APPL1: variants seen among roughly 807,000 people sequenced by gnomAD.
APPL1 encodes DCC-interacting protein 13-alpha.
A neutral mutation model predicts 106.8 loss-of-function variants in APPL1; 42 were observed. That is an observed-to-expected ratio of 0.39 (90% confidence interval 0.31 to 0.51). The LOEUF is 0.51. Ranked by LOEUF, APPL1 falls within the 20% of genes least tolerant of loss-of-function variation. The pLI, the probability that APPL1 is intolerant of heterozygous loss-of-function variation, is 0.75. For missense variants in APPL1, 769 were observed against 858.2 expected (o/e 0.90, Z 1.30); for synonymous variants, 263 against 281.8 (o/e 0.93, Z 0.67).
rs1448950813 is a variant in APPL1, at chr3:57,270,333, G to A, written c.*646G>A. ...ATGCCAGTAGGAAAGAAGCTTAAGT[G>A]TCTTCAGTTCAAGATTGATAGAGCC... On this transcript the variant is annotated 3_prime_UTR_variant, in exon 22 of 22. Coordinates refer to ENST00000288266, the MANE Select transcript of APPL1 (RefSeq NM_012096.3). 6.6e-6 allele frequency: 1 copy of A among 152,652 alleles called. No homozygotes were observed. Among genetic ancestry groups the A allele is most frequent in the Non-Finnish European group, 1.5e-5 (1 of 68,052 alleles). The allele number at this position is 152,652 out of a possible 1,614,324, so 9.5% of individuals were successfully genotyped here. A position where few individuals can be genotyped will look rare whatever the true frequency, so the allele number is the denominator to read the frequency against.
intron 7 of APPL1, among the ~76,000 whole-genome samples, chr3:57,243,581 G>A (rs2060757736): frequency 6.6e-6 from 1 of 152,152 alleles, no homozygotes; most frequent in South Asian, 2.1e-4. Context: ...GACTGCTTGT[G>A]GGAATCCACA....
intron 13 of APPL1, among the ~76,000 whole-genome samples, chr3:57,254,888 G>T (rs1254476026): frequency 6.6e-6 from 1 of 152,178 alleles, no homozygotes; most frequent in Non-Finnish European, 1.5e-5. Flanking sequence ...GCCTCCCAAA[G>T]TGCTGGGATT....
At position 57,227,910 on chromosome 3, in the gene APPL1, C is replaced by T; in HGVS notation, c.27C>T (p.Ile9=). 1 of 1,470,886 alleles carries T rather than the reference C, an allele frequency of 6.8e-7. No individual in the cohort carries two copies. The highest frequency in any genetic ancestry group is 2.9e-5 in the East Asian group (1 of 34,214). The allele number at this position is 1,470,886 out of a possible 1,614,324, so 91.1% of individuals were successfully genotyped here. A position where few individuals can be genotyped will look rare whatever the true frequency, so the allele number is the denominator to read the frequency against. MPGIDKLP[I]EETLEDSPQT... The stretch of plus-strand genomic sequence containing the variant: ...TGCCGGGGATCGACAAGCTGCCCAT[C>T]GAGGAGACGCTGGAGGACAGCCCGC... The change falls in exon 1 of 22, where the codon ATC becomes ATT. Residue 9 remains isoleucine (I), a synonymous_variant. Transcript: ENST00000288266.
In APPL1 at chr3:57,231,274, G is replaced by C. The variant is rs1014127738; in HGVS notation, c.54+3337G>C. 3.3e-5 allele frequency among the ~76,000 whole-genome samples: 5 copies of C among 149,622 alleles called. 1 individual carries two copies. Among genetic ancestry groups the C allele is most frequent in the Non-Finnish European group, 7.4e-5 (5 of 67,538 alleles). On this transcript the variant is annotated intron_variant, in intron 1 of 21. Transcript: ENST00000288266. ...GAATCACTTGAACCCGGGAGGCGGGGGTTGCAGTGAGCCGAAATTGTACCG... is the reference window on the plus strand; with the variant it reads ...GAATCACTTGAACCCGGGAGGCGGGCGTTGCAGTGAGCCGAAATTGTACCG...
At position 57,249,491 on chromosome 3, in the gene APPL1, C is replaced by G. The variant is rs2060792023; in HGVS notation, c.995C>G (p.Ala332Gly). The G allele has an allele frequency of 6.2e-7, 1 of 1,612,784 alleles. No individual in the cohort carries two copies. Among genetic ancestry groups the G allele is most frequent in the Non-Finnish European group, 8.5e-7 (1 of 1,179,672 alleles). ...AMDIDNCSVM[A>G]VDCEDRRYCF... ...GACATAGACAACTGTTCAGTGATGG[C>G]TGTGGACTGTGAAGACAGACGATAT... The change falls in exon 11 of 22, where the codon GCT (alanine) becomes GGT (glycine). Residue 332 changes from alanine to glycine, a missense_variant. By Grantham distance (60) the Ala-to-Gly change is moderately conservative. Transcript: ENST00000288266.
intron 19 of APPL1, among the ~76,000 whole-genome samples, chr3:57,261,350 ATT>A (rs1308093313): frequency 6.6e-6 from 1 of 152,074 alleles, no homozygotes; most frequent in Non-Finnish European, 1.5e-5. Context: ...TTCTTTATTC[ATT>A]TATCTGTTAA....
intron 10 of APPL1, 79 bp from the exon 11 acceptor site, chr3:57,249,281 A>G (rs1263053840): frequency 5.4e-6 from 8 of 1,477,936 alleles, no homozygotes; most frequent in Non-Finnish European, 7.5e-6. Context: ...TCATTGTAAC[A>G]TGCTTTATCT....
At chr3:57,256,815 G>A (rs756878094) in intron 13 of APPL1, 142 bp from the exon 14 acceptor site, 60 of 620,776 alleles carry the variant, frequency 9.7e-5, no homozygotes, top group Middle Eastern at 8.2e-4. Flanking sequence ...ATATTAAGAC[G>A]AGGGAATATA....
At chr3:57,240,660 C>G (rs1229673383) in intron 5 of APPL1, 108 bp downstream of exon 5, 1 of 938,308 alleles carries the variant, frequency 1.1e-6, no homozygotes, top group African/African-American at 1.6e-5. Flanking sequence ...CTATGCCACT[C>G]TTACTTTGCT....
rs903559292 is a variant in APPL1 at position 57,270,737 on chromosome 3, G to A, written c.*1050G>A. ...TGAATCACCACTTTATATCCACAAA[G>A]GCAAATAACTAATGTATGATAATAG... On this transcript the variant is annotated 3_prime_UTR_variant, in exon 22 of 22. Coordinates refer to ENST00000288266, the MANE Select transcript of APPL1 (RefSeq NM_012096.3). 6.6e-6 allele frequency: 1 copy of A among 152,270 alleles called. No homozygotes were observed. The highest frequency in any genetic ancestry group is 2.4e-5 in the African/African-American group (1 of 41,380). The allele number at this position is 152,270 out of a possible 1,614,324, so 9.4% of individuals were successfully genotyped here. A position where few individuals can be genotyped will look rare whatever the true frequency, so the allele number is the denominator to read the frequency against.
chr3:57,249,563 T>TCTA lies in APPL1; in HGVS notation c.1052+25_1052+27dup. ...GATGGAAAAAAGTTAGTATTTTTTT[T>TCTA]CTACTACTACTAATCTATAGTATAT... On this transcript the variant is annotated intron_variant, in intron 11 of 21. Transcript: ENST00000288266. 2 of 1,543,506 alleles carry TCTA rather than the reference T, an allele frequency of 1.3e-6. No homozygotes were observed. The highest frequency in any genetic ancestry group is 8.7e-7 in the Non-Finnish European group (1 of 1,149,228).
Position 57,272,116 on chromosome 3 carries a change from T to C in APPL1, c.*2429T>C, listed in dbSNP as rs1166914167. The C allele has an allele frequency of 1.3e-5, 2 of 152,198 alleles. No homozygotes were observed. The highest frequency in any genetic ancestry group is 2.1e-4 in the South Asian group (1 of 4,832). 9.4% of individuals were successfully genotyped at this position (152,198 alleles called of 1,614,324 possible). On this transcript the variant is annotated 3_prime_UTR_variant, in exon 22 of 22. Coordinates refer to ENST00000288266, the MANE Select transcript of APPL1 (RefSeq NM_012096.3). ...CATTCAGACTTACACTTAATGGTGT[T>C]AGAAATCAACAAAACTCCTTTTTAA...
chr3:57,251,369 C>G (rs926910998), intron 11 of APPL1, among the ~76,000 whole-genome samples: 5 of 151,112 alleles, frequency 3.3e-5, no homozygotes, highest in African/African-American at 1.2e-4. Flanking sequence ...ACTAAAAATA[C>G]AAAAATTATC....
At chr3:57,242,222 T>C (rs1445828949) in intron 6 of APPL1, 80 bp downstream of exon 6, 2 of 1,106,864 alleles carry the variant, frequency 1.8e-6, no homozygotes, top group East Asian at 2.7e-5. Context: ...AGATTCTTTG[T>C]AATAATTGAA....
Position 57,235,618 on chromosome 3 carries a change from A to G in APPL1, c.107A>G (p.Tyr36Cys), listed in dbSNP as rs188131823. ...FEEDATAISNYMNQLYQAMHR... is the reference protein window; with the variant it reads ...FEEDATAISNCMNQLYQAMHR... ...GAAGATGCCACAGCTATTTCCAACT[A>G]TATGAACCAGTTGTATCAAGCTATG... The change falls in exon 2 of 22, where the codon TAT (tyrosine) becomes TGT (cysteine). Residue 36 changes from tyrosine (Y) to cysteine (C), a missense_variant. Tyr to Cys is a radical substitution (Grantham distance 194, BLOSUM62 -2). Coordinates refer to ENST00000288266, the MANE Select transcript of APPL1 (RefSeq NM_012096.3). 4.3e-6 allele frequency: 7 copies of G among 1,613,616 alleles called. No individual in the cohort carries two copies. The highest frequency in any genetic ancestry group is 2.7e-5 in the African/African-American group (2 of 75,040).
chr3:57,241,434 C>G (rs1579385460), intron 5 of APPL1, among the ~76,000 whole-genome samples: 1 of 152,238 alleles, frequency 6.6e-6, no homozygotes, highest in South Asian at 2.1e-4. Flanking sequence ...CTTGTAATCT[C>G]AGCCATACAC....
At chr3:57,249,759 C>CAT (rs1417832283) in intron 11 of APPL1, among the ~76,000 whole-genome samples, 1 of 151,760 alleles carries the variant, frequency 6.6e-6, no homozygotes, top group Non-Finnish European at 1.5e-5. Context: ...AAAGCAATGT[C>CAT]ATATAGTAAA....
intron 20 of APPL1, 39 bp downstream of exon 20, chr3:57,267,831 C>T (rs1296033941): frequency 2.5e-6 from 4 of 1,604,372 alleles, no homozygotes; most frequent in South Asian, 1.1e-5. Flanking sequence ...GTGGTTCACA[C>T]CTGTAATCGC....
At chr3:57,230,796 G>A (rs776300101) in intron 1 of APPL1, 20 of 454,268 alleles carry the variant, frequency 4.4e-5, no homozygotes, top group African/African-American at 3.1e-4. Flanking sequence ...TTTTGAGACA[G>A]AGTCTCACTG....
Sources: allele counts gnomAD v4.1 joint callset (sites outside exome capture counted in the v4.1 genomes callset), GRCh38; gene constraint gnomAD v4.1.1; transcripts MANE v1.5; gene names NCBI Gene and HGNC (gene_info 2026-07-23, HGNC 2026-07-21).